HS3ST5: variants seen among roughly 807,000 people sequenced by gnomAD.
HS3ST5 encodes the protein heparan sulfate glucosamine 3-O-sulfotransferase 5.
Under a neutral mutation model 25.4 loss-of-function variants are expected in HS3ST5, and 10 were observed. The observed-to-expected ratio is 0.39, with a 90% confidence interval of 0.24 to 0.67. The LOEUF (loss-of-function observed/expected upper bound fraction) is 0.67, where lower values mean the gene tolerates loss of function less well. HS3ST5 is among the 30% of genes least tolerant of loss of function. The pLI, the probability that HS3ST5 is intolerant of heterozygous loss-of-function variation, is 0.44. For synonymous variants in HS3ST5, 170 were observed against 162.4 expected, an observed-to-expected ratio of 1.05 and a Z score of -0.36; for missense variants, 324 against 420.7, an observed-to-expected ratio of 0.77 and a Z score of 2.01.
chr6:114,176,988 T>C (rs1779752948), intron 2 of HS3ST5, among the ~76,000 whole-genome samples: 1 of 152,200 alleles, frequency 6.6e-6, no homozygotes, highest in African/African-American at 2.4e-5. Context: ...TTCAGTCATC[T>C]GTGCAACCTG....
chr6:114,308,307 A>T (rs73544404), intron 1 of HS3ST5, among the ~76,000 whole-genome samples: 5,403 of 152,152 alleles, frequency 0.036, 320 homozygotes, highest in African/African-American at 0.12. Context: ...AGATGGTGGC[A>T]GGGCGCGGTG....
rs373017963 is a variant in HS3ST5 at position 114,111,407 on chromosome 6, C to A, written c.-32-48530G>T. Among the ~76,000 whole-genome samples, 67 of 152,310 alleles carry A rather than the reference C, an allele frequency of 4.4e-4. 1 individual carries two copies. The South Asian group carries it at 0.013, about 29-fold the overall frequency. ...CATAAAGACATCACAGATAACTCTA[C>A]CACACTTTAGTGGAAACATTTGCAT... is the stretch of plus-strand genomic sequence containing the variant. On this transcript the variant is annotated intron_variant, in intron 3 of 4. Transcript: ENST00000312719.
intron 3 of HS3ST5, among the ~76,000 whole-genome samples, chr6:114,072,568 T>C (rs895461819): frequency 6.6e-6 from 1 of 152,194 alleles, no homozygotes; most frequent in Non-Finnish European, 1.5e-5. Flanking sequence ...ATCTGTACAA[T>C]GGAATACTAC....
intron 2 of HS3ST5, among the ~76,000 whole-genome samples, chr6:114,194,660 T>C (rs1199259832): frequency 6.6e-6 from 1 of 152,160 alleles, no homozygotes; most frequent in Non-Finnish European, 1.5e-5. Context: ...GTCCCCTGCT[T>C]TACCCTTTGA....
intron 3 of HS3ST5, among the ~76,000 whole-genome samples, chr6:114,076,243 C>T (rs1358641350): frequency 2.0e-5 from 3 of 152,214 alleles, no homozygotes; most frequent in African/African-American, 7.2e-5. Context: ...GTGTAAACCA[C>T]TTAACCCCCT....
intron 3 of HS3ST5, among the ~76,000 whole-genome samples, chr6:114,131,619 A>G (rs1777337295): frequency 6.6e-6 from 1 of 152,200 alleles, no homozygotes; most frequent in Non-Finnish European, 1.5e-5. Flanking sequence ...TTCTTAAAAT[A>G]CTTCTTTCAG....
At chr6:114,122,680 T>G (rs1053963583) in intron 3 of HS3ST5, among the ~76,000 whole-genome samples, 1 of 152,204 alleles carries the variant, frequency 6.6e-6, no homozygotes, top group Non-Finnish European at 1.5e-5. Flanking sequence ...ACAAATACAC[T>G]GCAGTGTGAA....
Position 114,097,538 on chromosome 6 carries a change from G to A in HS3ST5, c.-32-34661C>T, listed in dbSNP as rs144090900. 1.5e-3 allele frequency among the ~76,000 whole-genome samples: 226 copies of A among 151,774 alleles called. 1 individual carries two copies. The highest frequency in any genetic ancestry group is 3.5e-3 in the Middle Eastern group (1 of 286). On this transcript the variant is annotated intron_variant, in intron 3 of 4. Transcript: ENST00000312719. ...AATATGTTCCAATTATAAGAATTCC[G>A]TGTTGCATATTTCTTATATTTTTCT...
intron 1 of HS3ST5, among the ~76,000 whole-genome samples, chr6:114,312,900 C>T (rs1775590434): frequency 6.6e-6 from 1 of 151,316 alleles, no homozygotes; most frequent in Non-Finnish European, 1.5e-5. Context: ...CATGGTGGTA[C>T]ATGCCTATAG....
At chr6:114,209,756 AG>A (rs1405260544) in intron 2 of HS3ST5, among the ~76,000 whole-genome samples, 1 of 152,186 alleles carries the variant, frequency 6.6e-6, no homozygotes, top group Non-Finnish European at 1.5e-5. Context: ...GGAAGTCAGA[AG>A]GGGGAAAAAA....
chr6:114,220,018 A>T (rs552573160), intron 2 of HS3ST5, among the ~76,000 whole-genome samples: 6 of 152,228 alleles, frequency 3.9e-5, no homozygotes, highest in African/African-American at 1.4e-4. Context: ...ATCATTCTTT[A>T]TCAAACCATT....
chr6:114,156,582 G>A (rs1778707943), intron 3 of HS3ST5, among the ~76,000 whole-genome samples: 1 of 152,126 alleles, frequency 6.6e-6, no homozygotes, highest in Non-Finnish European at 1.5e-5. Context: ...CTTATTATTT[G>A]TACCCTGGTT....
At chr6:114,188,616 C>T (rs1288253492) in intron 2 of HS3ST5, among the ~76,000 whole-genome samples, 1 of 151,914 alleles carries the variant, frequency 6.6e-6, no homozygotes, top group Non-Finnish European at 1.5e-5. Context: ...TTTTTATTAT[C>T]TTTATTAATA....
chr6:114,293,905 T>C (rs1582793976), intron 1 of HS3ST5, among the ~76,000 whole-genome samples: 1 of 152,184 alleles, frequency 6.6e-6, no homozygotes, highest in African/African-American at 2.4e-5. Context: ...AATATCCCCA[T>C]GGAGACACAC....
chr6:114,143,962 TC>T (rs1479194764), intron 3 of HS3ST5: 1 of 152,356 alleles, frequency 6.6e-6, no homozygotes, highest in Non-Finnish European at 1.5e-5. Flanking sequence ...TGTATATATG[TC>T]CCAGATTGCA....
intron 1 of HS3ST5, among the ~76,000 whole-genome samples, chr6:114,285,042 T>C (rs1314822830): frequency 6.6e-6 from 1 of 152,074 alleles, no homozygotes; most frequent in Non-Finnish European, 1.5e-5. Flanking sequence ...CTAGTAAATA[T>C]CTGAATGCTG....
intron 3 of HS3ST5, among the ~76,000 whole-genome samples, chr6:114,097,861 C>T (rs1481761169): frequency 2.0e-5 from 3 of 151,864 alleles, no homozygotes; most frequent in Admixed American, 2.0e-4. Context: ...CTAACTCTAC[C>T]CCTAAAGGAC....
chr6:114,282,713 C>T (rs1774170470), intron 1 of HS3ST5, among the ~76,000 whole-genome samples: 1 of 151,926 alleles, frequency 6.6e-6, no homozygotes, highest in African/African-American at 2.4e-5. Context: ...CTTTTTCCTC[C>T]TCCTATCCTT....
At chr6:114,263,886 GT>G (rs1012967755) in intron 1 of HS3ST5, among the ~76,000 whole-genome samples, 79 of 146,568 alleles carry the variant, frequency 5.4e-4, no homozygotes, top group African/African-American at 7.7e-4. Context: ...CAAGGAGATA[GT>G]TTTTTTTTTT....
Sources: gnomAD v4.1 joint callset for allele counts (sites outside exome capture counted in the v4.1 genomes callset) on GRCh38, gnomAD v4.1.1 for gene constraint, MANE v1.5 for transcripts, NCBI Gene and HGNC (gene_info 2026-07-23, HGNC 2026-07-21) for gene names.